The following CLIP1 variants were observed in gnomAD, a reference collection of about 807,000 sequenced individuals.
CLIP1 encodes the protein CAP-Gly domain-containing linker protein 1.
Under a neutral mutation model 161.6 loss-of-function variants are expected in CLIP1, and 66 were observed. The ratio of observed to expected loss-of-function variants is 0.41; its 90% CI spans 0.33 to 0.50. The LOEUF (loss-of-function observed/expected upper bound fraction) is 0.50, where lower values mean the gene tolerates loss of function less well. Ranked by LOEUF, CLIP1 falls within the 20% of genes least tolerant of loss-of-function variation. The probability of loss-of-function intolerance (pLI) is 0.27; values close to 1 mark genes in which losing one functional copy is unlikely to be tolerated. For missense variants in CLIP1, 1,376 were observed against 1,702.0 expected (o/e 0.81, Z 3.37); for synonymous variants, 598 against 626.2 (o/e 0.96, Z 0.67).
At chr12:122,275,642 G>GCACACACA (rs1391112059) in intron 24 of CLIP1, 1,524 of 109,998 alleles carry the variant, frequency 0.014, 37 homozygotes, top group East Asian at 0.13. Context: ...ACACACACAC[G>GCACACACA]CGCACACACA....
At chr12:122,380,742 A>T (rs1279496157) in intron 1 of CLIP1, among the ~76,000 whole-genome samples, 184 bp from the exon 2 acceptor site, 1 of 152,060 alleles carries the variant, frequency 6.6e-6, no homozygotes, top group Non-Finnish European at 1.5e-5. Flanking sequence ...ATTTAAAGGC[A>T]ATTTACTATC....
intron 21 of CLIP1, among the ~76,000 whole-genome samples, chr12:122,287,372 C>T (rs1380384279): frequency 1.3e-5 from 2 of 152,176 alleles, no homozygotes; most frequent in African/African-American, 4.8e-5. Flanking sequence ...GAAACCTCCT[C>T]TGCCCTGACG....
chr12:122,291,038 G>A (rs764378277), intron 20 of CLIP1, among the ~76,000 whole-genome samples: 10 of 151,480 alleles, frequency 6.6e-5, no homozygotes, highest in Non-Finnish European at 1.3e-4. Context: ...GATTACAGGC[G>A]CTGCCACCAT....
At position 122,272,627 on chromosome 12, in the gene CLIP1, A is replaced by G. The variant is rs1592944351; in HGVS notation, c.*248T>C. The stretch of plus-strand genomic sequence containing the variant: ...AATAAATGTAATGGCATCTGGTGCA[A>G]TGTCTTCAAACGTAAAAATCAAGAA... On this transcript the variant is annotated 3_prime_UTR_variant, in exon 26 of 26. Coordinates refer to ENST00000620786, the MANE Select transcript of CLIP1 (RefSeq NM_001247997.2). 6.1e-5 allele frequency: 29 copies of G among 476,382 alleles called. No individual in the cohort carries two copies. The South Asian group carries it at 7.2e-4, about 12-fold the overall frequency. The allele number at this position is 476,382 out of a possible 1,614,324, so 29.5% of individuals were successfully genotyped here.
chr12:122,273,078 T>C lies in CLIP1; in HGVS notation c.4114A>G (p.Lys1372Glu). 6.2e-7 allele frequency: 1 copy of C among 1,614,038 alleles called. No individual in the cohort carries two copies. ...TCACAGAAGAGGCGAGGTTTCTTCTTGGACTGTTTCTCCTGATCATCACTA... is the reference window on the plus strand; with the variant it reads ...TCACAGAAGAGGCGAGGTTTCTTCTCGGACTGTTTCTCCTGATCATCACTA... ...YDSDDQEKQS[K>E]KKPRLFCDIC... is the part of the protein sequence containing the mutation. The change falls in exon 26 of 26, where the codon AAG becomes GAG. Residue 1372 changes from lysine to glutamate, a missense_variant. Lys to Glu is a moderately conservative substitution (Grantham distance 56). Transcript: ENST00000620786.
intron 5 of CLIP1, among the ~76,000 whole-genome samples, chr12:122,356,621 T>TCTCTCC (rs1308095826): frequency 1.3e-5 from 2 of 151,604 alleles, no homozygotes; most frequent in African/African-American, 2.4e-5. Context: ...TCCCTCTCCC[T>TCTCTCC]CTCTCCCTCT....
intron 1 of CLIP1, among the ~76,000 whole-genome samples, chr12:122,409,874 A>AT (rs770849234): frequency 0.41 from 58,292 of 141,954 alleles, 13,965 homozygotes; most frequent in Non-Finnish European, 0.53. Flanking sequence ...TGTTATTTTT[A>AT]TTTTTTTTTT....
chr12:122,330,611 T>TTTTTTTTTTTTTTTTGTTTTTG (rs1951910792), intron 15 of CLIP1, among the ~76,000 whole-genome samples: 2 of 134,260 alleles, frequency 1.5e-5, no homozygotes, highest in African/African-American at 6.6e-5. Context: ...TTTTTTTTTT[T>TTTTTTTTTTTTTTTTGTTTTTG]TTTTTTGAGA....
At chr12:122,338,424 T>C (rs943096731) in intron 11 of CLIP1, among the ~76,000 whole-genome samples, 3 of 151,836 alleles carry the variant, frequency 2.0e-5, no homozygotes, top group Non-Finnish European at 4.4e-5. Flanking sequence ...AATTTAAAAA[T>C]CCACTGGACA....
In CLIP1 at chr12:122,321,519, C is replaced by T. The variant is rs370719057; in HGVS notation, c.3250-2171G>A. Among the ~76,000 whole-genome samples the T allele has an allele frequency of 3.9e-4, 59 of 151,170 alleles. No homozygotes were observed. In the East Asian group the frequency reaches 5.7e-3, roughly 14 times the overall value. On this transcript the variant is annotated intron_variant, in intron 17 of 25. Coordinates refer to ENST00000620786, the MANE Select transcript of CLIP1 (RefSeq NM_001247997.2). ...CCTCAGCCCCCGTGAGCCACCACAC[C>T]TGGCTGTTCTTTTTTTTTAGATGGG... is the stretch of plus-strand genomic sequence containing the variant.
chr12:122,392,837 A>T (rs1053248412), intron 1 of CLIP1, among the ~76,000 whole-genome samples: 5 of 152,030 alleles, frequency 3.3e-5, no homozygotes, highest in Non-Finnish European at 7.4e-5. Context: ...GCTGGAGTGC[A>T]GTGGCCCACT....
At chr12:122,287,984 T>A (rs1361630049) in intron 21 of CLIP1, among the ~76,000 whole-genome samples, 1 of 152,186 alleles carries the variant, frequency 6.6e-6, no homozygotes, top group Non-Finnish European at 1.5e-5. Context: ...ACATGGCTTA[T>A]GAACTATTTT....
At chr12:122,328,234 C>T in intron 16 of CLIP1, 27 bp downstream of exon 16, 1 of 1,613,452 alleles carries the variant, frequency 6.2e-7, no homozygotes. Context: ...CCTTGCCAGC[C>T]AACAGGCCCA....
intron 21 of CLIP1, among the ~76,000 whole-genome samples, chr12:122,282,518 T>C (rs887295940): frequency 6.6e-6 from 1 of 152,168 alleles, no homozygotes. Context: ...TACCTTAAAG[T>C]GTTACTGGGC....
intron 21 of CLIP1, among the ~76,000 whole-genome samples, chr12:122,288,244 G>C (rs7970522): frequency 0.1 from 15,296 of 152,146 alleles, 2,491 homozygotes; most frequent in African/African-American, 0.35. Context: ...ATGTTGGTCA[G>C]GCTGGTGTCG....
chr12:122,418,253 A>G (rs1452233784), intron 1 of CLIP1, among the ~76,000 whole-genome samples: 1 of 152,120 alleles, frequency 6.6e-6, no homozygotes, highest in East Asian at 1.9e-4. Context: ...TGTTGCCTGA[A>G]TACCAAATGA....
At position 122,390,279 on chromosome 12, in the gene CLIP1, C is replaced by T. The variant is rs868373146; in HGVS notation, c.-106-9721G>A. 9.4e-4 allele frequency among the ~76,000 whole-genome samples: 74 copies of T among 78,938 alleles called. 1 individual carries two copies. The East Asian group carries it at 0.012, about 12-fold the overall frequency. The allele number at this position is 78,938 out of a possible 152,430, so 51.8% of individuals were successfully genotyped here. ...ATATATACACACACATATATATATACATATATATATATATATATATATATG... is the reference window on the plus strand; with the variant it reads ...ATATATACACACACATATATATATATATATATATATATATATATATATATG... On this transcript the variant is annotated intron_variant, in intron 1 of 25. Transcript: ENST00000620786.
chr12:122,283,509 A>G (rs1048775103), intron 21 of CLIP1, among the ~76,000 whole-genome samples: 2 of 142,520 alleles, frequency 1.4e-5, no homozygotes, highest in Non-Finnish European at 3.0e-5. Context: ...CCCAGGCTGG[A>G]GTGCAGTGGT....
rs539632317 is a variant in CLIP1, at chr12:122,355,414, G to T, written c.1006-102C>A. 1.6e-5 allele frequency: 16 copies of T among 996,450 alleles called. No homozygotes were observed. In the South Asian group the frequency reaches 1.9e-4, roughly 12 times the overall value. 61.7% of individuals were successfully genotyped at this position (996,450 alleles called of 1,614,324 possible). A position where few individuals can be genotyped will look rare whatever the true frequency, so the allele number is the denominator to read the frequency against. ...GGCATCTGCTCGGCAAAGCAAGGGC[G>T]CTGCTCCAGCTGGCAGGCTGGCCAG... On this transcript the variant is annotated intron_variant, in intron 5 of 25. Transcript: ENST00000620786. This position sits in a 1 kb window ranked among gnomAD's most constrained non-coding sequence, Gnocchi z 4.1.
Sources: allele counts gnomAD v4.1 joint callset (sites outside exome capture counted in the v4.1 genomes callset), GRCh38; gene constraint gnomAD v4.1.1; non-coding constraint Gnocchi (gnomAD v3.1); transcripts MANE v1.5; gene names NCBI Gene and HGNC (gene_info 2026-07-23, HGNC 2026-07-21).